The following RAPGEF4 variants were observed in gnomAD, a reference collection of about 807,000 sequenced individuals.
RAPGEF4 encodes Rap guanine nucleotide exchange factor 4, also known as RAP guanine-nucleotide-exchange factor (GEF) 4.
Under a neutral mutation model 147.9 loss-of-function variants are expected in RAPGEF4, and 66 were observed. That is an observed-to-expected ratio of 0.45 (90% CI 0.37 to 0.55). The LOEUF (loss-of-function observed/expected upper bound fraction) is 0.55. RAPGEF4 is among the 20% of genes least tolerant of loss of function. The pLI is 0.00. For synonymous variants in RAPGEF4, 419 were observed against 442.7 expected, an observed-to-expected ratio of 0.95 and a Z score of 0.67; for missense variants, 1,071 against 1,257.3, an observed-to-expected ratio of 0.85 and a Z score of 2.24.
In RAPGEF4 at chr2:172,918,535, C is replaced by A. The variant is rs559533672; in HGVS notation, c.517+661C>A. Among the ~76,000 whole-genome samples the A allele has an allele frequency of 3.9e-4, 59 of 152,052 alleles. 1 individual carries two copies. The South Asian group carries it at 0.012, about 31-fold the overall frequency. ...ATATTTTTAATTTAAAACATCCAGGCCTTTTATGAGAGACCAGTCTCTGGC... is the reference window on the plus strand; with the variant it reads ...ATATTTTTAATTTAAAACATCCAGGACTTTTATGAGAGACCAGTCTCTGGC... On this transcript the variant is annotated intron_variant, in intron 5 of 30. Transcript: ENST00000397081.
intron 1 of RAPGEF4, among the ~76,000 whole-genome samples, chr2:172,756,325 T>A (rs1695774135): frequency 6.6e-6 from 1 of 152,214 alleles, no homozygotes; most frequent in Non-Finnish European, 1.5e-5. Flanking sequence ...GGCCCTCTGC[T>A]GCCTTACTGC....
At chr2:172,737,974 T>C (rs747771657) in intron 1 of RAPGEF4, among the ~76,000 whole-genome samples, 1 of 152,258 alleles carries the variant, frequency 6.6e-6, no homozygotes, top group East Asian at 1.9e-4. Context: ...AAAAGAACTT[T>C]GCATGTTCTG....
chr2:172,826,775 T>G (rs1306833135), intron 4 of RAPGEF4, among the ~76,000 whole-genome samples: 2 of 152,050 alleles, frequency 1.3e-5, no homozygotes, highest in Admixed American at 6.6e-5. Flanking sequence ...GAGATCAGCC[T>G]GGACAACATG....
At chr2:172,838,411 A>G (rs2149694244) in intron 4 of RAPGEF4, among the ~76,000 whole-genome samples, 1 of 152,272 alleles carries the variant, frequency 6.6e-6, no homozygotes, top group Non-Finnish European at 1.5e-5. Context: ...GTTTAGTTCT[A>G]AAGTGATTAA....
At chr2:173,047,974 C>T (rs139983889) in intron 29 of RAPGEF4, among the ~76,000 whole-genome samples, 97 of 152,294 alleles carry the variant, frequency 6.4e-4, no homozygotes, top group African/African-American at 2.2e-3. Flanking sequence ...CTGCACCTGG[C>T]CTGTTTTCTG....
chr2:172,803,751 T>G (rs1379590295), intron 3 of RAPGEF4, among the ~76,000 whole-genome samples: 2 of 152,212 alleles, frequency 1.3e-5, no homozygotes, highest in Admixed American at 6.5e-5. Flanking sequence ...CTTATAAAAC[T>G]GAATGCCTTT....
chr2:172,988,569 G>T (rs1183438408), intron 13 of RAPGEF4, 124 bp from the exon 14 acceptor site: 5 of 1,184,082 alleles, frequency 4.2e-6, no homozygotes, highest in Non-Finnish European at 5.9e-6. Context: ...ATCCCCTTTG[G>T]CATCGCTAGG....
chr2:172,878,926 G>T (rs1365561422), intron 4 of RAPGEF4, among the ~76,000 whole-genome samples: 2 of 152,202 alleles, frequency 1.3e-5, no homozygotes, highest in Non-Finnish European at 2.9e-5. Context: ...TGGGAAAGCT[G>T]TGGGGAAACA....
intron 1 of RAPGEF4, among the ~76,000 whole-genome samples, chr2:172,790,602 A>G (rs1222695755): frequency 6.6e-6 from 1 of 152,198 alleles, no homozygotes. Flanking sequence ...ACTGTCTCCC[A>G]TCTGCTAATA....
intron 1 of RAPGEF4, among the ~76,000 whole-genome samples, chr2:172,789,843 T>A (rs1574844623): frequency 6.6e-6 from 1 of 152,364 alleles, no homozygotes; most frequent in Middle Eastern, 3.4e-3. Flanking sequence ...TGTGTATTAT[T>A]TTCTTTATCC....
At position 172,772,489 on chromosome 2, in the gene RAPGEF4, G is replaced by A. The variant is rs188990849; in HGVS notation, c.66-22536G>A. On this transcript the variant is annotated intron_variant, in intron 1 of 30. Transcript: ENST00000397081. ...CTCCCGAGTACCTGGGATTACAGGC[G>A]CCTGCCACCAGGCCTGGCTAATTTT... Among the ~76,000 whole-genome samples the A allele has an allele frequency of 1.5e-3, 223 of 151,610 alleles. No homozygotes were observed. In the South Asian group the frequency reaches 0.017, roughly 11 times the overall value.
In RAPGEF4 at chr2:172,891,707, G is replaced by T. The variant is rs546943428; in HGVS notation, c.445-26095G>T. ...TCAAATAAACAGTGGAGTACAGAGG[G>T]TCAGGTGTAAAAACAGTGACAGAAT... is the stretch of plus-strand genomic sequence containing the variant. On this transcript the variant is annotated intron_variant, in intron 4 of 30. Transcript: ENST00000397081. 3.3e-5 allele frequency among the ~76,000 whole-genome samples: 5 copies of T among 152,310 alleles called. No individual in the cohort carries two copies. The East Asian group carries it at 7.7e-4, about 23-fold the overall frequency.
chr2:173,036,039 G>C, intron 27 of RAPGEF4, 86 bp from the exon 28 acceptor site: 1 of 970,214 alleles, frequency 1.0e-6, no homozygotes, highest in Admixed American at 1.7e-5. Flanking sequence ...ACCTGATTGT[G>C]GGGTGAAAGG....
chr2:172,744,413 G>T (rs749574587), intron 1 of RAPGEF4: 47 of 456,258 alleles, frequency 1.0e-4, no homozygotes, highest in Middle Eastern at 6.5e-4. Context: ...TACAGTAATG[G>T]CTATGTTGAG....
chr2:172,797,538 T>C lies in RAPGEF4; in HGVS notation c.222T>C (p.Gly74=), dbSNP rs781614742. ...LEKGITLFRQ[G]DIGTNWYAVL... is the part of the protein sequence containing the mutation. The stretch of plus-strand genomic sequence containing the variant: ...TTTTTTTCCCAGTATTTCGCCAGGG[T>C]GATATTGGAACAAACTGGTATGCTG... Residue 74 remains glycine, a synonymous_variant, in exon 3 of 31, where the codon GGT becomes GGC. Transcript: ENST00000397081. 6 of 1,612,792 alleles carry C rather than the reference T, an allele frequency of 3.7e-6. No individual in the cohort carries two copies. The South Asian group carries it at 5.5e-5, about 15-fold the overall frequency.
At chr2:173,032,017 C>G (rs1013227881) in intron 26 of RAPGEF4, among the ~76,000 whole-genome samples, 1 of 151,918 alleles carries the variant, frequency 6.6e-6, no homozygotes, top group Non-Finnish European at 1.5e-5. Context: ...CTAGGGGACA[C>G]GTGTGGAACA....
At chr2:172,770,278 C>T (rs1356893972) in intron 1 of RAPGEF4, among the ~76,000 whole-genome samples, 2 of 152,110 alleles carry the variant, frequency 1.3e-5, no homozygotes, top group Admixed American at 6.5e-5. Context: ...GTGGGTGGCC[C>T]TGATCAAAAA....
intron 17 of RAPGEF4, among the ~76,000 whole-genome samples, chr2:173,010,012 A>C (rs12616563): frequency 0.088 from 13,426 of 152,282 alleles, 640 homozygotes; most frequent in African/African-American, 0.12. Flanking sequence ...TAAAAAGAGT[A>C]CTGGGGAGGA....
At chr2:172,835,593 G>A (rs1046740588) in intron 4 of RAPGEF4, among the ~76,000 whole-genome samples, 1 of 152,030 alleles carries the variant, frequency 6.6e-6, no homozygotes, top group Non-Finnish European at 1.5e-5. Context: ...CCTAGCACAT[G>A]AATAAACACT....
Sources: gnomAD v4.1 joint callset for allele counts (sites outside exome capture counted in the v4.1 genomes callset) on GRCh38, gnomAD v4.1.1 for gene constraint, MANE v1.5 for transcripts, NCBI Gene and HGNC (gene_info 2026-07-23, HGNC 2026-07-21) for gene names.